Variants in PLAAT2 observed in about 807,000 individuals in gnomAD.
PLAAT2 encodes the protein phospholipase A and acyltransferase 2.
In PLAAT2, 12 loss-of-function variants were observed where a neutral mutation model predicts 12.8. The ratio of observed to expected loss-of-function variants is 0.94; its 90% CI spans 0.60 to 1.52. PLAAT2 has a LOEUF of 1.52. Ranked by LOEUF, PLAAT2 falls within the 40% of genes most tolerant of loss-of-function variation. The pLI, the probability that PLAAT2 is intolerant of heterozygous loss-of-function variation, is 0.00. For synonymous variants in PLAAT2, 79 were observed against 86.8 expected (o/e 0.91, Z 0.50); for missense variants, 166 against 208.1 (o/e 0.80, Z 1.24).
intron 3 of PLAAT2, among the ~76,000 whole-genome samples, chr11:63,554,037 G>A (rs992274008): frequency 2.6e-5 from 4 of 152,100 alleles, no homozygotes; most frequent in Admixed American, 6.5e-5. Context: ...GCCGACCCCC[G>A]AGGGTTGGTG....
chr11:63,557,291 C>T (rs559495321), intron 3 of PLAAT2, among the ~76,000 whole-genome samples: 1 of 152,150 alleles, frequency 6.6e-6, no homozygotes, highest in East Asian at 1.9e-4. Context: ...CAAGGGAGGC[C>T]GAGTCAAGGG....
intron 2 of PLAAT2, 95 bp from the exon 3 acceptor site, chr11:63,558,755 G>T (rs2017492455): frequency 6.9e-7 from 1 of 1,447,464 alleles, no homozygotes; most frequent in Non-Finnish European, 9.5e-7. Flanking sequence ...TCAAGGAGGA[G>T]CAGCTGTGGA....
intron 1 of PLAAT2, among the ~76,000 whole-genome samples, chr11:63,560,515 G>C (rs773490227): frequency 7.9e-5 from 12 of 152,226 alleles, no homozygotes; most frequent in Non-Finnish European, 1.8e-4. Flanking sequence ...CACAGAGTAT[G>C]TTTTTGTCAG....
chr11:63,557,649 C>T (rs1034587757), intron 3 of PLAAT2, among the ~76,000 whole-genome samples: 4 of 152,154 alleles, frequency 2.6e-5, no homozygotes, highest in Non-Finnish European at 5.9e-5. Flanking sequence ...TATTGGAAGA[C>T]AGTCTCGCCT....
intron 3 of PLAAT2, among the ~76,000 whole-genome samples, chr11:63,553,887 T>C (rs2017441324): frequency 6.6e-6 from 1 of 152,156 alleles, no homozygotes. Context: ...TCGGCACTCA[T>C]AATTCATCTG....
intron 1 of PLAAT2, 107 bp downstream of exon 1, chr11:63,563,209 T>C (rs771976869): frequency 1.5e-6 from 2 of 1,309,026 alleles, no homozygotes; most frequent in East Asian, 4.7e-5. Context: ...CATGTGCCCA[T>C]GTGCCCTCCA....
At chr11:63,558,696 T>TG (rs763807239) in intron 2 of PLAAT2, 36 bp from the exon 3 acceptor site, 3 of 1,607,086 alleles carry the variant, frequency 1.9e-6, no homozygotes, top group East Asian at 4.5e-5. Flanking sequence ...GGGCAGGGCC[T>TG]GGGGGGCTCA....
At chr11:63,554,088 T>A (rs973742266) in intron 3 of PLAAT2, among the ~76,000 whole-genome samples, 3 of 148,328 alleles carry the variant, frequency 2.0e-5, no homozygotes, top group Non-Finnish European at 4.4e-5. Context: ...GACAGTCTGC[T>A]GCGATCCTGT....
chr11:63,563,715 CA>C (rs35852892), upstream of PLAAT2, among the ~76,000 whole-genome samples: 1,905 of 56,060 alleles, frequency 0.034, 19 homozygotes, highest in African/African-American at 0.093. Flanking sequence ...GAGACTCAGT[CA>C]AAAAAAAAAA....
chr11:63,555,092 C>A (rs1165974652), intron 3 of PLAAT2, among the ~76,000 whole-genome samples: 1 of 152,120 alleles, frequency 6.6e-6, no homozygotes, highest in African/African-American at 2.4e-5. Flanking sequence ...CCTGAATATG[C>A]GATGAGGCCA....
At chr11:63,559,990 C>A in intron 2 of PLAAT2, 95 bp downstream of exon 2, 2 of 801,488 alleles carry the variant, frequency 2.5e-6, no homozygotes, top group Non-Finnish European at 4.1e-6. Flanking sequence ...AGTGCCTACT[C>A]TGCTAGACCC....
intron 3 of PLAAT2, among the ~76,000 whole-genome samples, chr11:63,554,860 A>C (rs1485658875): frequency 2.0e-5 from 3 of 152,190 alleles, no homozygotes; most frequent in Non-Finnish European, 2.9e-5. Context: ...ATTCAAATAC[A>C]CTCAGAATTG....
chr11:63,563,697 G>A (rs894246229), upstream of PLAAT2, among the ~76,000 whole-genome samples: 8 of 146,062 alleles, frequency 5.5e-5, no homozygotes, highest in East Asian at 9.9e-4. Flanking sequence ...TAGCCTGGGC[G>A]GCAGGGCGAG....
At chr11:63,565,042 G>C (rs768964236), upstream of PLAAT2, among the ~76,000 whole-genome samples, 1 of 152,118 alleles carries the variant, frequency 6.6e-6, no homozygotes, top group Non-Finnish European at 1.5e-5. Context: ...TAGGAAAGGA[G>C]AGTCTGCAAA....
chr11:63,556,647 G>A (rs2017469217), intron 3 of PLAAT2, among the ~76,000 whole-genome samples: 2 of 152,112 alleles, frequency 1.3e-5, no homozygotes, highest in Non-Finnish European at 2.9e-5. Flanking sequence ...CCCTCCTGGG[G>A]TACTTGTTTC....
At chr11:63,558,363 T>C (rs2017486513) in intron 3 of PLAAT2, 29 bp downstream of exon 3, 1 of 1,607,706 alleles carries the variant, frequency 6.2e-7, no homozygotes, top group African/African-American at 1.3e-5. Context: ...GCCTGGCTCC[T>C]GGGAAGGGGA....
intron 3 of PLAAT2, among the ~76,000 whole-genome samples, chr11:63,554,755 A>C (rs1346116530): frequency 6.6e-6 from 1 of 152,242 alleles, no homozygotes; most frequent in Non-Finnish European, 1.5e-5. Context: ...GCAAGTATTT[A>C]AACCAGCGAC....
chr11:63,559,228 C>T (rs540101510), intron 2 of PLAAT2, among the ~76,000 whole-genome samples: 60 of 152,280 alleles, frequency 3.9e-4, no homozygotes, highest in African/African-American at 6.0e-4. Flanking sequence ...GCTTTAGCGC[C>T]GAAATTACAG....
Position 63,557,176 on chromosome 11 carries a change from ATTTATGATTT to A in PLAAT2, c.387+1206_387+1215del, listed in dbSNP as rs532758789. Among the ~76,000 whole-genome samples the A allele has an allele frequency of 1.1e-3, 171 of 152,300 alleles. 1 individual carries two copies. The highest frequency in any genetic ancestry group is 3.9e-3 in the African/African-American group (163 of 41,560). ...ATCCTTTCCTTTACAAATTTTTTAC[ATTTATGATTT>A]TTTAAAGTGTTTGATGTCATCTAAG... On this transcript the variant is annotated intron_variant, in intron 3 of 3. Coordinates refer to ENST00000255695, the MANE Select transcript of PLAAT2 (RefSeq NM_017878.2).
Sources: gnomAD v4.1 joint callset for allele counts (sites outside exome capture counted in the v4.1 genomes callset) on GRCh38, gnomAD v4.1.1 for gene constraint, MANE v1.5 for transcripts, NCBI Gene and HGNC (gene_info 2026-07-23, HGNC 2026-07-21) for gene names.